P2RY11: variants seen among roughly 807,000 people sequenced by gnomAD.
P2RY11 encodes P2Y purinoceptor 11.
A neutral mutation model predicts 2.4 loss-of-function variants in P2RY11; 3 were observed. The ratio of observed to expected loss-of-function variants is 1.22; its 90% CI spans 0.56 to 3.17. P2RY11 has a LOEUF of 3.17. Among genes scored for constraint, P2RY11 ranks in the 30% most tolerant of loss-of-function variants. P2RY11 has a pLI of 0.03. For missense variants in P2RY11, 670 were observed against 528.2 expected, an observed-to-expected ratio of 1.27 and a Z score of -2.63; for synonymous variants, 307 against 237.3, an observed-to-expected ratio of 1.29 and a Z score of -2.70.
rs745817044 is a variant in P2RY11 at position 10,114,546 on chromosome 19, C to G, written c.933C>G (p.Pro311=). The G allele has an allele frequency of 3.1e-6, 5 of 1,612,718 alleles. No individual in the cohort carries two copies. In the Admixed American group the frequency reaches 8.3e-5, roughly 27 times the overall value. Residue 311 remains proline, a synonymous_variant, in exon 2 of 2, where the codon CCC becomes CCG. Coordinates refer to ENST00000321826, the MANE Select transcript of P2RY11 (RefSeq NM_002566.5). ...VGYQVMRGLM[P]LAFCVHPLLY... ...ACCAGGTGATGCGGGGCCTCATGCC[C>G]CTGGCCTTCTGTGTCCACCCTCTAC...
chr19:10,113,549 G>A (rs984015842), intron 1 of P2RY11, 84 bp from the exon 2 acceptor site: 20 of 1,529,578 alleles, frequency 1.3e-5, no homozygotes, highest in Middle Eastern at 1.8e-4. Flanking sequence ...AGGGATCCAC[G>A]CCATGGCAGA....
intron 1 of P2RY11, chr19:10,112,026 CT>C (rs904091717): frequency 1.6e-5 from 6 of 373,106 alleles, no homozygotes; most frequent in African/African-American, 1.1e-4. Context: ...AAGAGAATCA[CT>C]TAAACCCGGG....
chr19:10,113,659 T>C lies in P2RY11; in HGVS notation c.46T>C (p.Leu16=). ...TGCCAAGTCCTGCCCTGCCAACTTC[T>C]TGGCAGCTGCCGACGACAAACTCAG... ...SGAKSCPANF[L]AAADDKLSGF... Residue 16 remains leucine (L), a synonymous_variant, in exon 2 of 2, where the codon TTG becomes CTG. Coordinates refer to ENST00000321826, the MANE Select transcript of P2RY11 (RefSeq NM_002566.5). 6.2e-7 allele frequency: 1 copy of C among 1,612,390 alleles called. No homozygotes were observed. Among genetic ancestry groups the C allele is most frequent in the Non-Finnish European group, 8.5e-7 (1 of 1,178,626 alleles).
In P2RY11 at chr19:10,115,213, T is replaced by G. The variant is rs2145225057; in HGVS notation, c.*475T>G. The G allele has an allele frequency of 6.5e-7, 1 of 1,543,132 alleles. No individual in the cohort carries two copies. Among genetic ancestry groups the G allele is most frequent in the Non-Finnish European group, 8.8e-7 (1 of 1,130,740 alleles). ...ACCCAAGTGGCATCTTGGGGGTGGG[T>G]GGGCAGAGGACGGGGTAATGTGAGG... On this transcript the variant is annotated 3_prime_UTR_variant, in exon 2 of 2. Coordinates refer to ENST00000321826, the MANE Select transcript of P2RY11 (RefSeq NM_002566.5).
In P2RY11 at chr19:10,114,948, GC is replaced by G. The variant is rs2089211961; in HGVS notation, c.*213del. Reference sequence around the variant, plus strand: ...CCTGCAGGGTCAGGGACCAGACCACGCCCAGAGGAGGGGAGGCACTGGCCCC... The same window carrying G: ...CCTGCAGGGTCAGGGACCAGACCACGCCAGAGGAGGGGAGGCACTGGCCCC... On this transcript the variant is annotated 3_prime_UTR_variant, in exon 2 of 2. Transcript: ENST00000321826. 3 of 1,396,240 alleles carry G rather than the reference GC, an allele frequency of 2.1e-6. No individual in the cohort carries two copies. The Admixed American group carries it at 6.0e-5, about 28-fold the overall frequency. The allele number at this position is 1,396,240 out of a possible 1,614,324, so 86.5% of individuals were successfully genotyped here. A position where few individuals can be genotyped will look rare whatever the true frequency, so the allele number is the denominator to read the frequency against.
In P2RY11 at chr19:10,114,838, C is replaced by A. The variant is rs1234462662; in HGVS notation, c.*100C>A. The A allele has an allele frequency of 5.3e-6, 8 of 1,501,598 alleles. No individual in the cohort carries two copies. In the Admixed American group the frequency reaches 6.7e-5, roughly 13 times the overall value. The allele number at this position is 1,501,598 out of a possible 1,614,324, so 93.0% of individuals were successfully genotyped here. A position where few individuals can be genotyped will look rare whatever the true frequency, so the allele number is the denominator to read the frequency against. On this transcript the variant is annotated 3_prime_UTR_variant, in exon 2 of 2. Transcript: ENST00000321826. The stretch of plus-strand genomic sequence containing the variant: ...ACATCCCTTCCCCCAAAAAGCAACA[C>A]CTGTGCTTGCAGCCAGGTCAGGCCC...
Position 10,114,069 on chromosome 19 carries a change from C to T in P2RY11, c.456C>T (p.Ala152=), listed in dbSNP as rs745442865. 35 of 1,600,298 alleles carry T rather than the reference C, an allele frequency of 2.2e-5. No individual in the cohort carries two copies. The highest frequency in any genetic ancestry group is 8.8e-5 in the South Asian group (8 of 91,014). ...AGCACGCCTGGGCCGTGAGCGCTGC[C>T]GGCTGGGTCCTGGCCGCCCTGCTGG... The part of the protein sequence containing the change: ...RPKHAWAVSA[A]GWVLAALLAM... The change falls in exon 2 of 2, where the codon GCC becomes GCT. Residue 152 remains alanine, a synonymous_variant. Coordinates refer to ENST00000321826, the MANE Select transcript of P2RY11 (RefSeq NM_002566.5).
At chr19:10,113,425 G>A (rs866635264) in intron 1 of P2RY11, among the ~76,000 whole-genome samples, 54 of 152,056 alleles carry the variant, frequency 3.6e-4, no homozygotes, top group African/African-American at 1.2e-3. Flanking sequence ...TGCCTGGCCC[G>A]CCTAAGCTGG....
chr19:10,111,693 A>C lies in P2RY11; in HGVS notation c.-29A>C. 1 of 1,613,694 alleles carries C rather than the reference A, an allele frequency of 6.2e-7. No homozygotes were observed. Among genetic ancestry groups the C allele is most frequent in the South Asian group, 1.1e-5 (1 of 91,060 alleles). ...GGGAGGGGCTGGGGAACTGGGTAGCAGACACAGGCTGAGGATCGGCACGGG... is the reference window on the plus strand; with the variant it reads ...GGGAGGGGCTGGGGAACTGGGTAGCCGACACAGGCTGAGGATCGGCACGGG... On this transcript the variant is annotated 5_prime_UTR_variant, in exon 1 of 2. Transcript: ENST00000321826.
chr19:10,115,005 A>G lies in P2RY11; in HGVS notation c.*267A>G. 2 of 1,546,952 alleles carry G rather than the reference A, an allele frequency of 1.3e-6. No individual in the cohort carries two copies. Among genetic ancestry groups the G allele is most frequent in the Admixed American group, 1.9e-5 (1 of 53,134 alleles). ...CAGGACTGGAGACGCAAGAACAAAA[A>G]GAACCAAGTAGAGAGAGTGGAGCTG... On this transcript the variant is annotated 3_prime_UTR_variant, in exon 2 of 2. Coordinates refer to ENST00000321826, the MANE Select transcript of P2RY11 (RefSeq NM_002566.5).
intron 1 of P2RY11, chr19:10,112,444 C>G (rs542560095): frequency 2.0e-5 from 3 of 152,554 alleles, no homozygotes; most frequent in African/African-American, 7.2e-5. Context: ...TGAGCACTGG[C>G]ACCAGTAATG....
Position 10,113,658 on chromosome 19 carries a change from C to T in P2RY11, c.45C>T (p.Phe15=). Residue 15 remains phenylalanine (F), a synonymous_variant, in exon 2 of 2, where the codon TTC becomes TTT. Transcript: ENST00000321826. ...GTGCCAAGTCCTGCCCTGCCAACTTCTTGGCAGCTGCCGACGACAAACTCA... is the reference window on the plus strand; with the variant it reads ...GTGCCAAGTCCTGCCCTGCCAACTTTTTGGCAGCTGCCGACGACAAACTCA... ...VSGAKSCPAN[F]LAAADDKLSG... is the part of the protein sequence containing the mutation. 2 of 1,612,396 alleles carry T rather than the reference C, an allele frequency of 1.2e-6. No individual in the cohort carries two copies. The highest frequency in any genetic ancestry group is 1.7e-6 in the Non-Finnish European group (2 of 1,178,608).
chr19:10,115,346 CAAT>C lies in P2RY11; in HGVS notation c.*611_*613del, dbSNP rs1568493920. ...CCCTCTGCCCGGTTTTGGAAAAAAA[CAAT>C]AAAGGACTGTCCCCTCAAAACCAGC... On this transcript the variant is annotated 3_prime_UTR_variant, in exon 2 of 2. Transcript: ENST00000321826. The C allele has an allele frequency of 6.6e-6, 8 of 1,203,070 alleles. No homozygotes were observed. Among genetic ancestry groups the C allele is most frequent in the African/African-American group, 4.6e-5 (3 of 65,154 alleles). The allele number at this position is 1,203,070 out of a possible 1,614,324, so 74.5% of individuals were successfully genotyped here. A position where few individuals can be genotyped will look rare whatever the true frequency, so the allele number is the denominator to read the frequency against.
At position 10,114,038 on chromosome 19, in the gene P2RY11, G is replaced by A. The variant is rs759673217; in HGVS notation, c.425G>A (p.Arg142Gln). Reference sequence around the variant, plus strand: ...CCCTTCTTCGCCCGAAGCCACCTGCGACCCAAGCACGCCTGGGCCGTGAGC... The same window carrying A: ...CCCTTCTTCGCCCGAAGCCACCTGCAACCCAAGCACGCCTGGGCCGTGAGC... ...VHPFFARSHLRPKHAWAVSAA... is the reference protein window; with the variant it reads ...VHPFFARSHLQPKHAWAVSAA... Residue 142 changes from arginine (R) to glutamine (Q), a missense_variant, in exon 2 of 2, where the codon CGA becomes CAA. By Grantham distance (43) the Arg-to-Gln change is conservative. Coordinates refer to ENST00000321826, the MANE Select transcript of P2RY11 (RefSeq NM_002566.5). The A allele has an allele frequency of 1.2e-5, 19 of 1,600,854 alleles. No homozygotes were observed. The highest frequency in any genetic ancestry group is 6.7e-5 in the East Asian group (3 of 44,860).
chr19:10,114,394 T>C lies in P2RY11; in HGVS notation c.781T>C (p.Tyr261His), dbSNP rs1041384641. The change falls in exon 2 of 2, where the codon TAT becomes CAT. Residue 261 changes from tyrosine to histidine, a missense_variant. Tyr to His is a moderately conservative substitution (Grantham distance 83, BLOSUM62 2). Coordinates refer to ENST00000321826, the MANE Select transcript of P2RY11 (RefSeq NM_002566.5). ...TGGTGTGGCCCTCTACGCCAGCTCC[T>C]ATGTGCCCTACCACATCATGCGGGT... ...ASGVALYASS[Y>H]VPYHIMRVLN... 31 of 1,609,648 alleles carry C rather than the reference T, an allele frequency of 1.9e-5. No homozygotes were observed. The highest frequency in any genetic ancestry group is 2.5e-5 in the Non-Finnish European group (30 of 1,179,900).
chr19:10,115,050 C>G lies in P2RY11; in HGVS notation c.*312C>G, dbSNP rs759639591. The G allele has an allele frequency of 6.1e-4, 976 of 1,608,602 alleles. 1 individual carries two copies. The highest frequency in any genetic ancestry group is 1.3e-3 in the Admixed American group (79 of 59,348). ...GAGCTGCTTTATTGCCCTTGGAGCC[C>G]GCGCTCTCGGAGGCTGTCTTCTGTC... On this transcript the variant is annotated 3_prime_UTR_variant, in exon 2 of 2. Transcript: ENST00000321826.
Position 10,114,967 on chromosome 19 carries a change from C to A in P2RY11, c.*229C>A. ...GACCACGCCCAGAGGAGGGGAGGCA[C>A]TGGCCCCCGCCACAGGACTGGAGAC... On this transcript the variant is annotated 3_prime_UTR_variant, in exon 2 of 2. Coordinates refer to ENST00000321826, the MANE Select transcript of P2RY11 (RefSeq NM_002566.5). The A allele has an allele frequency of 1.4e-6, 2 of 1,429,256 alleles. No individual in the cohort carries two copies. Among genetic ancestry groups the A allele is most frequent in the Non-Finnish European group, 1.9e-6 (2 of 1,040,314 alleles). The allele number at this position is 1,429,256 out of a possible 1,614,324, so 88.5% of individuals were successfully genotyped here.
rs1269455344 is a variant in P2RY11, at chr19:10,114,792, G to C, written c.*54G>C. 1 of 1,546,874 alleles carries C rather than the reference G, an allele frequency of 6.5e-7. No homozygotes were observed. The highest frequency in any genetic ancestry group is 8.7e-7 in the Non-Finnish European group (1 of 1,146,868). ...CCTAGGTGTTGCTGGAGAACCCTGA[G>C]GGCAGGGCCCGAGCCCCGACACATC... On this transcript the variant is annotated 3_prime_UTR_variant, in exon 2 of 2. Coordinates refer to ENST00000321826, the MANE Select transcript of P2RY11 (RefSeq NM_002566.5).
rs75756047 is a variant in P2RY11 at position 10,112,679 on chromosome 19, T to C, written c.19+939T>C. Among the ~76,000 whole-genome samples the C allele has an allele frequency of 3.0e-3, 455 of 151,982 alleles. 12 individuals are homozygous for C. In the South Asian group the frequency reaches 0.052, roughly 17 times the overall value. ...TGTGGCTGGGCACGGTGGCTCACAC[T>C]TGTAATCTCAGCACTTTGGGAGGCT... On this transcript the variant is annotated intron_variant, in intron 1 of 1. Transcript: ENST00000321826.
Sources: allele counts gnomAD v4.1 joint callset (sites outside exome capture counted in the v4.1 genomes callset), GRCh38; gene constraint gnomAD v4.1.1; transcripts MANE v1.5; gene names NCBI Gene and HGNC (gene_info 2026-07-23, HGNC 2026-07-21).